The following ICA1L variants were observed in gnomAD, a reference collection of about 807,000 sequenced individuals.
The protein encoded by ICA1L is islet cell autoantigen 1 like, also known as islet cell autoantigen 1-like protein.
Under a neutral mutation model 61.3 loss-of-function variants are expected in ICA1L, and 50 were observed. The observed-to-expected ratio is 0.82, with a 90% CI of 0.65 to 1.03. The LOEUF is 1.03. Among genes scored for constraint, ICA1L ranks in the 50% least tolerant of loss-of-function variants. ICA1L has a pLI of 0.00. For missense variants in ICA1L, 508 were observed against 556.7 expected, an observed-to-expected ratio of 0.91 and a Z score of 0.88; for synonymous variants, 161 against 191.3, an observed-to-expected ratio of 0.84 and a Z score of 1.31.
At chr2:202,829,052 A>G (rs912640106) in intron 1 of ICA1L, 36 bp from the exon 2 acceptor site, 1 of 1,504,284 alleles carries the variant, frequency 6.6e-7, no homozygotes, top group Non-Finnish European at 8.9e-7. Flanking sequence ...CTTCTTTTAA[A>G]AATTCTCAAT....
At chr2:202,845,617 A>C (rs942949280) in intron 1 of ICA1L, among the ~76,000 whole-genome samples, 1 of 149,382 alleles carries the variant, frequency 6.7e-6, no homozygotes, top group Non-Finnish European at 1.5e-5. Flanking sequence ...ACAGAGCAAG[A>C]ATCTGTCTTA....
chr2:202,782,379 A>G (rs1170769538), intron 12 of ICA1L, among the ~76,000 whole-genome samples: 6 of 151,928 alleles, frequency 3.9e-5, no homozygotes, highest in South Asian at 2.1e-4. Context: ...CATCAATTTT[A>G]TTAATTTTTT....
intron 11 of ICA1L, 134 bp downstream of exon 11, chr2:202,788,696 G>T: frequency 2.3e-6 from 2 of 852,130 alleles, no homozygotes; most frequent in Non-Finnish European, 3.7e-6. Flanking sequence ...GTTGATTGGT[G>T]GACTGCAGAT....
chr2:202,790,442 T>G (rs1692711156), intron 10 of ICA1L, among the ~76,000 whole-genome samples: 1 of 152,212 alleles, frequency 6.6e-6, no homozygotes, highest in Non-Finnish European at 1.5e-5. Context: ...GTATTTGAAC[T>G]GAGAACCAGT....
chr2:202,810,865 C>A (rs1693357668), intron 9 of ICA1L, among the ~76,000 whole-genome samples: 1 of 152,130 alleles, frequency 6.6e-6, no homozygotes, highest in Non-Finnish European at 1.5e-5. Context: ...GCCCTGGTCT[C>A]CTGTAGCGCT....
intron 11 of ICA1L, among the ~76,000 whole-genome samples, chr2:202,787,583 G>C (rs1692626338): frequency 6.6e-6 from 1 of 152,098 alleles, no homozygotes; most frequent in Non-Finnish European, 1.5e-5. Context: ...TTAACATTTA[G>C]TTTATTAATT....
intron 11 of ICA1L, among the ~76,000 whole-genome samples, chr2:202,787,134 G>A (rs748382289): frequency 1.3e-5 from 2 of 152,158 alleles, no homozygotes; most frequent in Non-Finnish European, 2.9e-5. Context: ...TGCACAAAGA[G>A]GCAGGGGCAG....
chr2:202,842,440 C>T (rs918790360), intron 1 of ICA1L, among the ~76,000 whole-genome samples: 7 of 152,138 alleles, frequency 4.6e-5, no homozygotes, highest in Non-Finnish European at 7.4e-5. Context: ...TGTTGTTTGA[C>T]AGTTTTATTT....
Position 202,774,574 on chromosome 2 carries a change from A to T in ICA1L, c.*4959T>A. ...AAGTTGTAATATACTCACAGGTCCT[A>T]GAGAGACCAGTCACTGCATGCTGAG... On this transcript the variant is annotated 3_prime_UTR_variant, in exon 13 of 13. Coordinates refer to ENST00000358299, the MANE Select transcript of ICA1L (RefSeq NM_001288622.3). The T allele has an allele frequency of 3.0e-6, 1 of 331,774 alleles. No individual in the cohort carries two copies. Among genetic ancestry groups the T allele is most frequent in the Non-Finnish European group, 5.4e-6 (1 of 184,606 alleles). 20.6% of individuals were successfully genotyped at this position (331,774 alleles called of 1,614,324 possible). A position where few individuals can be genotyped will look rare whatever the true frequency, so the allele number is the denominator to read the frequency against.
intron 10 of ICA1L, among the ~76,000 whole-genome samples, chr2:202,795,659 C>A (rs1692903281): frequency 6.6e-6 from 1 of 151,898 alleles, no homozygotes; most frequent in Non-Finnish European, 1.5e-5. Flanking sequence ...GAAATATAAA[C>A]AAAGTCTAGA....
intron 1 of ICA1L, among the ~76,000 whole-genome samples, chr2:202,833,428 A>G (rs1275833563): frequency 6.6e-6 from 1 of 152,028 alleles, no homozygotes; most frequent in Admixed American, 6.6e-5. Context: ...AAAAAAATAA[A>G]AGAAACATTA....
chr2:202,782,823 T>G (rs1039257923), intron 12 of ICA1L, among the ~76,000 whole-genome samples: 2 of 152,210 alleles, frequency 1.3e-5, no homozygotes, highest in Non-Finnish European at 2.9e-5. Context: ...TGCCTTTGCT[T>G]TTTTGTGTTC....
At chr2:202,825,574 A>G in intron 3 of ICA1L, 121 bp downstream of exon 3, 1 of 1,336,482 alleles carries the variant, frequency 7.5e-7, no homozygotes, top group Non-Finnish European at 9.6e-7. Context: ...AACTGTAAAT[A>G]TTCATATTTT....
At chr2:202,870,474 C>T (rs1218309882) in intron 1 of ICA1L, 1 of 152,140 alleles carries the variant, frequency 6.6e-6, no homozygotes. Context: ...ATGATAGGCA[C>T]AGATAACAAA....
At chr2:202,800,230 A>C (rs1006201814) in intron 9 of ICA1L, among the ~76,000 whole-genome samples, 4 of 152,226 alleles carry the variant, frequency 2.6e-5, no homozygotes, top group South Asian at 4.2e-4. Flanking sequence ...CAGCATCTCC[A>C]CATTTTTCAC....
chr2:202,866,417 GC>G (rs1687516804), intron 1 of ICA1L, among the ~76,000 whole-genome samples: 1 of 152,144 alleles, frequency 6.6e-6, no homozygotes, highest in Non-Finnish European at 1.5e-5. Context: ...AGAACTGTGA[GC>G]CAAATAAACT....
Position 202,789,052 on chromosome 2 carries a change from C to A in ICA1L, c.1021G>T (p.Glu341Ter). 2 of 1,612,966 alleles carry A rather than the reference C, an allele frequency of 1.2e-6. No individual in the cohort carries two copies. The change falls in exon 11 of 13, where the codon GAA becomes TAA. Residue 341 changes from glutamate (E) to a stop codon, truncating the protein, a stop_gained. Transcript: ENST00000358299. LOFTEE classifies it high-confidence loss of function. Reference protein sequence around the residue: ...KDLPVDSLEGEDFEKEFSFLN... With the variant: ...KDLPVDSLEG The stretch of plus-strand genomic sequence containing the variant: ...AATGAGAATTCCTTCTCAAAATCTT[C>A]TCCTTCCAATGAATCTACAGGTAGA...
rs1692255585 is a variant in ICA1L at position 202,777,325 on chromosome 2, T to A, written c.*2208A>T. 1 of 152,438 alleles carries A rather than the reference T, an allele frequency of 6.6e-6. No individual in the cohort carries two copies. The highest frequency in any genetic ancestry group is 2.4e-5 in the African/African-American group (1 of 41,554). 9.4% of individuals were successfully genotyped at this position (152,438 alleles called of 1,614,324 possible). A position where few individuals can be genotyped will look rare whatever the true frequency, so the allele number is the denominator to read the frequency against. ...GCCATGGCCTCCCAAAGTGCTGGGA[T>A]TACAGGCGTGAGCCACCATGCCCAG... On this transcript the variant is annotated 3_prime_UTR_variant, in exon 13 of 13. Transcript: ENST00000358299.
intron 10 of ICA1L, among the ~76,000 whole-genome samples, chr2:202,794,853 T>C (rs1692875497): frequency 6.6e-6 from 1 of 152,078 alleles, no homozygotes; most frequent in Non-Finnish European, 1.5e-5. Context: ...AATGGAAGGA[T>C]GGCCCTTGTT....
Sources: gnomAD v4.1 joint callset for allele counts (sites outside exome capture counted in the v4.1 genomes callset) on GRCh38, gnomAD v4.1.1 for gene constraint, MANE v1.5 for transcripts, NCBI Gene and HGNC (gene_info 2026-07-23, HGNC 2026-07-21) for gene names.